The following BICD2 variants were observed in gnomAD, a reference collection of about 807,000 sequenced individuals.
BICD2 encodes protein bicaudal D homolog 2.
A neutral mutation model predicts 72.9 loss-of-function variants in BICD2; 25 were observed. That is an observed-to-expected ratio of 0.34 (90% CI 0.25 to 0.48). The LOEUF (loss-of-function observed/expected upper bound fraction) is 0.48, where lower values mean the gene tolerates loss of function less well. BICD2 is among the 20% of genes least tolerant of loss of function. BICD2 has a pLI of 0.99. For missense variants in BICD2, 894 were observed against 1,175.2 expected (o/e 0.76, Z 3.50); for synonymous variants, 501 against 516.1 (o/e 0.97, Z 0.40).
chr9:92,722,838 A>C (rs1420954193), intron 2 of BICD2, 30 bp from the exon 3 acceptor site: 1 of 1,613,606 alleles, frequency 6.2e-7, no homozygotes, highest in Admixed American at 1.7e-5. Flanking sequence ...GGCAGGTATG[A>C]GCAGCCTCCA....
chr9:92,714,097 T>G lies in BICD2; in HGVS notation c.*1057A>C. The stretch of plus-strand genomic sequence containing the variant: ...TCTTTCTCTGTTGCCATCCCCCAGA[T>G]TGCACTAAATAAAGAGACCTAAACA... On this transcript the variant is annotated 3_prime_UTR_variant, in exon 7 of 7. Coordinates refer to ENST00000356884, the MANE Select transcript of BICD2 (RefSeq NM_001003800.2). 1 of 985,884 alleles carries G rather than the reference T, an allele frequency of 1.0e-6. No homozygotes were observed. The highest frequency in any genetic ancestry group is 1.2e-6 in the Non-Finnish European group (1 of 830,260). The allele number at this position is 985,884 out of a possible 1,614,324, so 61.1% of individuals were successfully genotyped here. A position where few individuals can be genotyped will look rare whatever the true frequency, so the allele number is the denominator to read the frequency against.
intron 1 of BICD2, among the ~76,000 whole-genome samples, chr9:92,758,627 G>T (rs1854311906): frequency 6.6e-6 from 1 of 151,420 alleles, no homozygotes; most frequent in African/African-American, 2.4e-5. Context: ...AAGGCAGGCG[G>T]ATCACCTGAG....
At chr9:92,739,616 G>T (rs1010468566) in intron 1 of BICD2, among the ~76,000 whole-genome samples, 5 of 152,302 alleles carry the variant, frequency 3.3e-5, no homozygotes, top group Admixed American at 6.5e-5. Flanking sequence ...CTTGAGAGGG[G>T]TAATAGGCAA....
Position 92,764,761 on chromosome 9 carries a change from G to A in BICD2, c.-17C>T, listed in dbSNP as rs757408481. The A allele has an allele frequency of 2.4e-5, 36 of 1,531,718 alleles. No homozygotes were observed. The highest frequency in any genetic ancestry group is 1.8e-4 in the East Asian group (7 of 38,300). The allele number at this position is 1,531,718 out of a possible 1,614,324, so 94.9% of individuals were successfully genotyped here. ...CGCCGACATGGTGGCCGAGGGCTGA[G>A]CCGGCTCCCACTGAGGCTCTCGCAG... On this transcript the variant is annotated 5_prime_UTR_variant, in exon 1 of 7. Transcript: ENST00000356884. This position sits in a 1 kb window ranked among gnomAD's most constrained non-coding sequence, Gnocchi z 5.5.
chr9:92,726,009 C>T (rs1853560339), intron 2 of BICD2, among the ~76,000 whole-genome samples: 1 of 152,206 alleles, frequency 6.6e-6, no homozygotes, highest in African/African-American at 2.4e-5. Context: ...AGCTTACCCA[C>T]CTCCCAGGGG....
At position 92,719,512 on chromosome 9, in the gene BICD2, C is replaced by T; in HGVS notation, c.1133G>A (p.Gly378Asp). ...DTQKQLEHTR[G>D]SLSEQQEKVT... ...CTTCTCCTGCTGTTCTGACAGGGAG[C>T]CCCGCGTGTGCTCCAGCTGCTTCTG... The change falls in exon 5 of 7, where the codon GGC (glycine) becomes GAC (aspartate). Residue 378 changes from glycine (G) to aspartate (D), a missense_variant. Gly to Asp is a moderately conservative substitution (Grantham distance 94, BLOSUM62 -1). Coordinates refer to ENST00000356884, the MANE Select transcript of BICD2 (RefSeq NM_001003800.2). The T allele has an allele frequency of 6.2e-7, 1 of 1,613,638 alleles. No individual in the cohort carries two copies. The highest frequency in any genetic ancestry group is 8.5e-7 in the Non-Finnish European group (1 of 1,179,992).
intron 2 of BICD2, among the ~76,000 whole-genome samples, chr9:92,723,961 C>A (rs985389573): frequency 1.3e-5 from 2 of 152,224 alleles, no homozygotes; most frequent in African/African-American, 4.8e-5. Context: ...GGCCACCAGA[C>A]ACGGCTGCCT....
intron 2 of BICD2, among the ~76,000 whole-genome samples, chr9:92,725,715 T>G (rs1200471691): frequency 1.3e-5 from 2 of 152,216 alleles, no homozygotes; most frequent in Non-Finnish European, 2.9e-5. Context: ...AAGCAGGGTG[T>G]GACAATTGCC....
intron 1 of BICD2, among the ~76,000 whole-genome samples, chr9:92,762,519 A>G (rs1363658388): frequency 6.6e-6 from 1 of 152,160 alleles, no homozygotes; most frequent in African/African-American, 2.4e-5. Context: ...AGTACATGGA[A>G]GCCAGGTGGT....
chr9:92,764,677 C>T lies in BICD2; in HGVS notation c.68G>A (p.Arg23His). 1 of 1,589,394 alleles carries T rather than the reference C, an allele frequency of 6.3e-7. No homozygotes were observed. The highest frequency in any genetic ancestry group is 8.5e-7 in the Non-Finnish European group (1 of 1,172,034). ...GTGGGACAGCCGCTTCACCTCGGCG[C>T]GCAGCCACTCCGGCTGCGCCTCCAT... Reference protein sequence around the residue: ...LVMEAQPEWLRAEVKRLSHEL... With the variant: ...LVMEAQPEWLHAEVKRLSHEL... The change falls in exon 1 of 7, where the codon CGC becomes CAC. Residue 23 changes from arginine (R) to histidine (H), a missense_variant. By Grantham distance (29) the Arg-to-His change is conservative. Transcript: ENST00000356884. This position sits in a 1 kb window ranked among gnomAD's most constrained non-coding sequence, Gnocchi z 5.5.
At chr9:92,751,144 T>C (rs1854141309) in intron 1 of BICD2, among the ~76,000 whole-genome samples, 1 of 146,548 alleles carries the variant, frequency 6.8e-6, no homozygotes, top group African/African-American at 2.5e-5. Context: ...TTTGTTGTTG[T>C]TGTTGTTGTT....
chr9:92,758,849 C>G (rs535181666), intron 1 of BICD2, among the ~76,000 whole-genome samples: 1 of 149,148 alleles, frequency 6.7e-6, no homozygotes, highest in Non-Finnish European at 1.5e-5. Context: ...AGCGAAACTC[C>G]GTCTCAAAAA....
intron 1 of BICD2, among the ~76,000 whole-genome samples, chr9:92,755,373 A>G (rs1854234543): frequency 1.3e-5 from 2 of 152,074 alleles, no homozygotes; most frequent in Non-Finnish European, 2.9e-5. Context: ...CCCTGCCTCC[A>G]CTTGCCTCAT....
chr9:92,735,773 C>T (rs975898842), intron 1 of BICD2, among the ~76,000 whole-genome samples: 2 of 152,134 alleles, frequency 1.3e-5, no homozygotes, highest in African/African-American at 2.4e-5. Context: ...GCCTGCTGTT[C>T]ACGGGCACAC....
chr9:92,714,928 G>A lies in BICD2; in HGVS notation c.*226C>T, dbSNP rs1198004268. 1 of 1,360,524 alleles carries A rather than the reference G, an allele frequency of 7.4e-7. No individual in the cohort carries two copies. Among genetic ancestry groups the A allele is most frequent in the East Asian group, 2.8e-5 (1 of 35,338 alleles). 84.3% of individuals were successfully genotyped at this position (1,360,524 alleles called of 1,614,324 possible). A position where few individuals can be genotyped will look rare whatever the true frequency, so the allele number is the denominator to read the frequency against. On this transcript the variant is annotated 3_prime_UTR_variant, in exon 7 of 7. Coordinates refer to ENST00000356884, the MANE Select transcript of BICD2 (RefSeq NM_001003800.2). ...ATCCCCACCTCTGACCCCCACCTAA[G>A]AGAGCAGCTGAGGACTGGGTGCTCC...
rs1242789799 is a variant in BICD2, at chr9:92,717,965, T to C, written c.2107-17A>G. ...CTCGGCCGTCTGGGGGACAGATGTGTAGGGTGGAAAAGTGAAAGGCGTGAA... is the reference window on the plus strand; with the variant it reads ...CTCGGCCGTCTGGGGGACAGATGTGCAGGGTGGAAAAGTGAAAGGCGTGAA... On this transcript the variant is annotated splice_polypyrimidine_tract_variant and intron_variant, in intron 5 of 6. Transcript: ENST00000356884. The C allele has an allele frequency of 6.2e-7, 1 of 1,610,046 alleles. No individual in the cohort carries two copies. Among genetic ancestry groups the C allele is most frequent in the Non-Finnish European group, 8.5e-7 (1 of 1,178,578 alleles).
chr9:92,712,400 G>A lies in BICD2; in HGVS notation c.*2754C>T, dbSNP rs1853211632. On this transcript the variant is annotated 3_prime_UTR_variant, in exon 7 of 7. Transcript: ENST00000356884. ...CTCTTCCCTGCTCGCTTTTGAGAAT[G>A]ATCTGTGCTGGGACACCTCCCTTAA... The A allele has an allele frequency of 6.6e-6, 1 of 152,658 alleles. No individual in the cohort carries two copies. Among genetic ancestry groups the A allele is most frequent in the African/African-American group, 2.4e-5 (1 of 41,460 alleles). The allele number at this position is 152,658 out of a possible 1,614,324, so 9.5% of individuals were successfully genotyped here. A position where few individuals can be genotyped will look rare whatever the true frequency, so the allele number is the denominator to read the frequency against.
chr9:92,719,418 G>A lies in BICD2; in HGVS notation c.1227C>T (p.Ala409=), dbSNP rs1420191429. 1.9e-6 allele frequency: 3 copies of A among 1,614,140 alleles called. No homozygotes were observed. Among genetic ancestry groups the A allele is most frequent in the Middle Eastern group, 1.6e-4 (1 of 6,062 alleles). Residue 409 remains alanine, a synonymous_variant, in exon 5 of 7, where the codon GCC becomes GCT. Transcript: ENST00000356884. ...RLQASKERQT[A]LDNEKDRDSH... is the part of the protein sequence containing the mutation. ...TGTCACGGTCCTTCTCGTTGTCCAGGGCTGTCTGCCGCTCCTTGCTGGCCT... is the reference window on the plus strand; with the variant it reads ...TGTCACGGTCCTTCTCGTTGTCCAGAGCTGTCTGCCGCTCCTTGCTGGCCT...
At position 92,728,514 on chromosome 9, in the gene BICD2, G is replaced by C. The variant is rs142557367; in HGVS notation, c.453+510C>G. 6.4e-4 allele frequency among the ~76,000 whole-genome samples: 98 copies of C among 152,332 alleles called. No homozygotes were observed. In the East Asian group the frequency reaches 0.018, roughly 28 times the overall value. On this transcript the variant is annotated intron_variant, in intron 2 of 6. Coordinates refer to ENST00000356884, the MANE Select transcript of BICD2 (RefSeq NM_001003800.2). ...CTGTGAACAAGGCAGGGGTGTGGCA[G>C]CTGGGGCTACTGGCGGTGGTCTCCA...
Sources: gnomAD v4.1 joint callset for allele counts (sites outside exome capture counted in the v4.1 genomes callset) on GRCh38, gnomAD v4.1.1 for gene constraint, Gnocchi (gnomAD v3.1) non-coding constraint, MANE v1.5 for transcripts, NCBI Gene and HGNC (gene_info 2026-07-23, HGNC 2026-07-21) for gene names.